CEP44: variants seen among roughly 807,000 people sequenced by gnomAD.
The protein encoded by CEP44 is centrosomal protein 44.
CEP44 carries 45 observed loss-of-function variants against 46.7 expected under a neutral mutation model. The observed-to-expected ratio is 0.96, with a 90% confidence interval of 0.76 to 1.24. The LOEUF (loss-of-function observed/expected upper bound fraction) is 1.24, where lower values mean the gene tolerates loss of function less well. Among genes scored for constraint, CEP44 ranks in the 50% most tolerant of loss-of-function variants. CEP44 has a pLI of 0.00. For missense variants in CEP44, 475 were observed against 459.7 expected, an observed-to-expected ratio of 1.03 and a Z score of -0.30; for synonymous variants, 142 against 146.0, an observed-to-expected ratio of 0.97 and a Z score of 0.20.
chr4:174,293,925 T>G (rs1319154306), intron 1 of CEP44, among the ~76,000 whole-genome samples: 4 of 151,956 alleles, frequency 2.6e-5, no homozygotes, highest in South Asian at 2.1e-4. Flanking sequence ...TAGCTGTTGG[T>G]TTTTTTTGTA....
rs78642321 is a variant in CEP44, at chr4:174,308,469, C to A, written c.508-220C>A. Among the ~76,000 whole-genome samples, 587 of 152,066 alleles carry A rather than the reference C, an allele frequency of 3.9e-3. 3 individuals carry two copies. The highest frequency in any genetic ancestry group is 0.017 in the Middle Eastern group (5 of 294). On this transcript the variant is annotated intron_variant, in intron 6 of 11. Transcript: ENST00000503780. Reference sequence around the variant, plus strand: ...TAGAGGGAAACAAAACACATTGGAGCCTTTCAGAGGGTGGAGGGTAGGAGG... The same window carrying A: ...TAGAGGGAAACAAAACACATTGGAGACTTTCAGAGGGTGGAGGGTAGGAGG...
downstream of CEP44, among the ~76,000 whole-genome samples, chr4:174,323,019 C>T (rs141547639): frequency 3.0e-4 from 46 of 151,976 alleles, no homozygotes; most frequent in East Asian, 7.0e-3. Flanking sequence ...GTACACAGGT[C>T]TCATTTAAAG....
At position 174,301,830 on chromosome 4, in the gene CEP44, C is replaced by T. The variant is rs948979168; in HGVS notation, c.90-209C>T. The stretch of plus-strand genomic sequence containing the variant: ...ACCTATAGTAAGTTTTTTGAGCAGA[C>T]GAACAGTGGTATTTCATAGTAGTCT... On this transcript the variant is annotated intron_variant, in intron 3 of 11. Transcript: ENST00000503780. The surrounding 1 kb of genome is among the most constrained non-coding windows in gnomAD (Gnocchi z 4.3). Among the ~76,000 whole-genome samples, 2 of 151,960 alleles carry T rather than the reference C, an allele frequency of 1.3e-5. No individual in the cohort carries two copies. Among genetic ancestry groups the T allele is most frequent in the Non-Finnish European group, 2.9e-5 (2 of 67,988 alleles).
rs1424443075 is a variant in CEP44 at position 174,290,055 on chromosome 4, C to A, written c.-148+6112C>A. 6.6e-6 allele frequency among the ~76,000 whole-genome samples: 1 copy of A among 152,056 alleles called. No homozygotes were observed. The highest frequency in any genetic ancestry group is 2.4e-5 in the African/African-American group (1 of 41,384). On this transcript the variant is annotated intron_variant, in intron 1 of 11. Transcript: ENST00000503780. The surrounding 1 kb of genome is among the most constrained non-coding windows in gnomAD (Gnocchi z 4.3). ...ATTTTTTGTAGAGATGGGGTTTCAC[C>A]ATGTTAGCCAGGATGGTCTCAATCT...
At chr4:174,323,315 T>C (rs1384994528), downstream of CEP44, among the ~76,000 whole-genome samples, 1 of 152,272 alleles carries the variant, frequency 6.6e-6, no homozygotes, top group African/African-American at 2.4e-5. Flanking sequence ...TCCCCCCTCA[T>C]GTTTCTGCAT....
Position 174,317,786 on chromosome 4 carries a change from T to G in CEP44, c.*403T>G, listed in dbSNP as rs1437699507. Reference sequence around the variant, plus strand: ...CTTGTGTATTATACCCAGGAGGCTCTCATATATACCATCTTGGCATCTGTA... The same window carrying G: ...CTTGTGTATTATACCCAGGAGGCTCGCATATATACCATCTTGGCATCTGTA... On this transcript the variant is annotated 3_prime_UTR_variant, in exon 12 of 12. Coordinates refer to ENST00000503780, the MANE Select transcript of CEP44 (RefSeq NM_001040157.3). The G allele has an allele frequency of 2.0e-6, 2 of 986,744 alleles. No individual in the cohort carries two copies. Among genetic ancestry groups the G allele is most frequent in the African/African-American group, 3.5e-5 (2 of 57,306 alleles). 61.1% of individuals were successfully genotyped at this position (986,744 alleles called of 1,614,324 possible). A position where few individuals can be genotyped will look rare whatever the true frequency, so the allele number is the denominator to read the frequency against.
chr4:174,320,684 C>G (rs1292621096), downstream of CEP44, among the ~76,000 whole-genome samples: 1 of 147,412 alleles, frequency 6.8e-6, no homozygotes, highest in Non-Finnish European at 1.5e-5. Context: ...TGAGTGTGCT[C>G]TGTGTGTGTG....
At position 174,297,232 on chromosome 4, in the gene CEP44, A is replaced by T. The variant is rs904366259; in HGVS notation, c.-147-734A>T. On this transcript the variant is annotated intron_variant, in intron 1 of 11. Coordinates refer to ENST00000503780, the MANE Select transcript of CEP44 (RefSeq NM_001040157.3). This position sits in a 1 kb window ranked among gnomAD's most constrained non-coding sequence, Gnocchi z 4.3. ...CCTTCTATTCTTGTTTTAGGTTTTA[A>T]TTTTTTTTTCTAATCTCATTGAGAA... Among the ~76,000 whole-genome samples, 1 of 150,640 alleles carries T rather than the reference A, an allele frequency of 6.6e-6. No homozygotes were observed. Among genetic ancestry groups the T allele is most frequent in the African/African-American group, 2.4e-5 (1 of 40,964 alleles).
chr4:174,303,072 A>G (rs932752488), intron 4 of CEP44, among the ~76,000 whole-genome samples: 7 of 152,118 alleles, frequency 4.6e-5, no homozygotes, highest in South Asian at 2.1e-4. Context: ...GAGCCACCGC[A>G]CCCAGCCTCA....
exon 9 of CEP44, chr4:174,333,350 G>C (rs562312894): frequency 6.7e-6 from 1 of 149,560 alleles, no homozygotes; most frequent in Non-Finnish European, 1.5e-5. Context: ...TCATATGACA[G>C]ACCTATTCTG....
chr4:174,291,965 A>AT (rs1389966185), intron 1 of CEP44, among the ~76,000 whole-genome samples: 6 of 150,206 alleles, frequency 4.0e-5, no homozygotes, highest in African/African-American at 1.5e-4. Context: ...TAATTTTTGT[A>AT]TTTTTTGTAG....
At position 174,297,508 on chromosome 4, in the gene CEP44, G is replaced by T. The variant is rs574771675; in HGVS notation, c.-147-458G>T. 3.3e-5 allele frequency among the ~76,000 whole-genome samples: 5 copies of T among 152,044 alleles called. No homozygotes were observed. The highest frequency in any genetic ancestry group is 7.4e-5 in the Non-Finnish European group (5 of 67,994). ...GGGCAAGACCTGCCCTTTTCAATGG[G>T]GATTTTCCTCAAATGTCAGAAATGT... On this transcript the variant is annotated intron_variant, in intron 1 of 11. Coordinates refer to ENST00000503780, the MANE Select transcript of CEP44 (RefSeq NM_001040157.3). The surrounding 1 kb of genome is among the most constrained non-coding windows in gnomAD (Gnocchi z 4.3).
chr4:174,320,433 A>G (rs1311780738), downstream of CEP44: 9 of 475,996 alleles, frequency 1.9e-5, no homozygotes, highest in African/African-American at 4.9e-5. Flanking sequence ...AAACTACAAC[A>G]CTTTTTGAGC....
At chr4:174,294,370 C>A (rs1023241683) in intron 1 of CEP44, among the ~76,000 whole-genome samples, 4 of 151,984 alleles carry the variant, frequency 2.6e-5, no homozygotes, top group Non-Finnish European at 4.4e-5. Flanking sequence ...GTAGGGTCAC[C>A]GATCAACAGG....
intron 8 of CEP44, among the ~76,000 whole-genome samples, chr4:174,328,116 C>T (rs1412209339): frequency 6.6e-6 from 1 of 152,156 alleles, no homozygotes; most frequent in Non-Finnish European, 1.5e-5. Flanking sequence ...TTAACTTAAA[C>T]TGGCTTAAGC....
chr4:174,305,476 A>T (rs1740281071), intron 6 of CEP44, among the ~76,000 whole-genome samples: 1 of 152,266 alleles, frequency 6.6e-6, no homozygotes, highest in East Asian at 1.9e-4. Context: ...TTATTCCTTT[A>T]TACCTTAAAA....
downstream of CEP44, among the ~76,000 whole-genome samples, chr4:174,321,657 G>A (rs573898993): frequency 3.2e-3 from 485 of 152,070 alleles, 2 homozygotes; most frequent in Non-Finnish European, 3.0e-3. Flanking sequence ...TCTCTATTAT[G>A]TCATAGGGTG....
At chr4:174,325,293 CAG>C (rs2126697141), downstream of CEP44, among the ~76,000 whole-genome samples, 1 of 152,194 alleles carries the variant, frequency 6.6e-6, no homozygotes, top group East Asian at 1.9e-4. The surrounding 1 kb of genome is among the most constrained non-coding windows in gnomAD (Gnocchi z 4.4). Flanking sequence ...ATTTCATTAA[CAG>C]TGTTTTTTAA....
chr4:174,316,252 T>C lies in CEP44; in HGVS notation c.1048T>C (p.Ser350Pro), dbSNP rs1741699149. The C allele has an allele frequency of 6.2e-7, 1 of 1,612,234 alleles. No homozygotes were observed. Among genetic ancestry groups the C allele is most frequent in the Non-Finnish European group, 8.5e-7 (1 of 1,178,288 alleles). ...TASSDSTPRA[S>P]TVNYCGLNEI... ...ATCATCAGATTCAACTCCCAGAGCCTCTACTGTTAATTACTGTGGTTTGAA... is the reference window on the plus strand; with the variant it reads ...ATCATCAGATTCAACTCCCAGAGCCCCTACTGTTAATTACTGTGGTTTGAA... The change falls in exon 10 of 12, where the codon TCT (serine) becomes CCT (proline). Residue 350 changes from serine (S) to proline (P), a missense_variant. By Grantham distance (74) the Ser-to-Pro change is moderately conservative. Coordinates refer to ENST00000503780, the MANE Select transcript of CEP44 (RefSeq NM_001040157.3).
Sources: allele counts gnomAD v4.1 joint callset (sites outside exome capture counted in the v4.1 genomes callset), GRCh38; gene constraint gnomAD v4.1.1; non-coding constraint Gnocchi (gnomAD v3.1); transcripts MANE v1.5; gene names NCBI Gene and HGNC (gene_info 2026-07-23, HGNC 2026-07-21).